Variants in NR3C2 observed in about 807,000 individuals in gnomAD.
NR3C2 encodes the protein nuclear receptor subfamily 3 group C member 2, also known as mineralocorticoid receptor.
NR3C2 carries 15 observed loss-of-function variants against 86.4 expected under a neutral mutation model. The observed-to-expected ratio is 0.17, with a 90% CI of 0.12 to 0.27. The LOEUF is 0.27. Ranked by LOEUF, NR3C2 falls within the 10% of genes least tolerant of loss-of-function variation. The pLI is 1.00. For synonymous variants in NR3C2, 458 were observed against 450.5 expected (o/e 1.02, Z -0.21); for missense variants, 960 against 1,195.6 (o/e 0.80, Z 2.91).
chr4:148,135,195 CTTAA>C (rs1339727249), intron 6 of NR3C2, among the ~76,000 whole-genome samples: 1 of 152,152 alleles, frequency 6.6e-6, no homozygotes, highest in South Asian at 2.1e-4. Context: ...TATATTGTCA[CTTAA>C]TTGTCAATGT....
chr4:148,207,112 G>A (rs893509360), intron 3 of NR3C2, among the ~76,000 whole-genome samples: 14 of 151,970 alleles, frequency 9.2e-5, no homozygotes, highest in Non-Finnish European at 2.1e-4. Flanking sequence ...TAGTAGAGAC[G>A]TGATCTTGCT....
At chr4:148,281,741 T>C (rs1014100089) in intron 2 of NR3C2, among the ~76,000 whole-genome samples, 3 of 152,242 alleles carry the variant, frequency 2.0e-5, no homozygotes, top group African/African-American at 4.8e-5. Context: ...TGTGTTATGT[T>C]ATGTCAACAA....
intron 2 of NR3C2, among the ~76,000 whole-genome samples, chr4:148,327,257 G>T (rs1287607661): frequency 6.6e-6 from 1 of 152,156 alleles, no homozygotes; most frequent in East Asian, 1.9e-4. Context: ...TGGAAAAAAA[G>T]AAACCTATAT....
intron 3 of NR3C2, among the ~76,000 whole-genome samples, chr4:148,223,167 C>A (rs1737951751): frequency 6.6e-6 from 1 of 152,150 alleles, no homozygotes; most frequent in East Asian, 1.9e-4. Context: ...CCTACACTGA[C>A]ACTCCCCTTC....
intron 2 of NR3C2, among the ~76,000 whole-genome samples, chr4:148,369,874 T>C (rs1180190349): frequency 6.6e-6 from 1 of 152,228 alleles, no homozygotes; most frequent in African/African-American, 2.4e-5. Context: ...AGGGGAGCCA[T>C]GCTGGCTGTC....
chr4:148,158,681 A>G (rs182473601), intron 4 of NR3C2, among the ~76,000 whole-genome samples: 15 of 152,332 alleles, frequency 9.8e-5, no homozygotes, highest in Admixed American at 9.8e-4. Flanking sequence ...CAAACTAATG[A>G]TAAAATTCAT....
At chr4:148,097,741 GT>G (rs1180902227) in intron 8 of NR3C2, among the ~76,000 whole-genome samples, 19 of 107,486 alleles carry the variant, frequency 1.8e-4, no homozygotes, top group Non-Finnish European at 2.7e-4. Context: ...ACTTTTTTGC[GT>G]TTTTTTTTGT....
intron 2 of NR3C2, among the ~76,000 whole-genome samples, chr4:148,425,781 A>G (rs537427213): frequency 2.6e-5 from 4 of 152,200 alleles, no homozygotes; most frequent in African/African-American, 4.8e-5. Context: ...TATTTAGGAT[A>G]GTCTGCTTTC....
rs184360040 is a variant in NR3C2, at chr4:148,086,368, T to C, written c.2800-4869A>G. ...TAATCCATTACATAAACAGAACCAA[T>C]GACAAAAACCACATGGTTATCTCAA... On this transcript the variant is annotated intron_variant, in intron 8 of 8. Coordinates refer to ENST00000358102, the MANE Select transcript of NR3C2 (RefSeq NM_000901.5). 3.6e-3 allele frequency among the ~76,000 whole-genome samples: 553 copies of C among 152,228 alleles called. 1 individual carries two copies. The highest frequency in any genetic ancestry group is 6.2e-3 in the Non-Finnish European group (423 of 68,018).
intron 6 of NR3C2, among the ~76,000 whole-genome samples, chr4:148,147,602 C>T (rs976469686): frequency 5.3e-5 from 8 of 152,144 alleles, no homozygotes; most frequent in African/African-American, 9.7e-5. Context: ...CAGAGATACA[C>T]GTACTTAAGA....
chr4:148,248,984 G>A (rs533878388), intron 3 of NR3C2, among the ~76,000 whole-genome samples: 11 of 152,266 alleles, frequency 7.2e-5, no homozygotes, highest in African/African-American at 2.6e-4. Flanking sequence ...TTTGTTTACA[G>A]ACAAGGAAAC....
At position 148,435,219 on chromosome 4, in the gene NR3C2, T is replaced by A; in HGVS notation, c.1642A>T (p.Ser548Cys). 6.2e-7 allele frequency: 1 copy of A among 1,614,208 alleles called. No individual in the cohort carries two copies. Among genetic ancestry groups the A allele is most frequent in the South Asian group, 1.1e-5 (1 of 91,088 alleles). Residue 548 changes from serine to cysteine, a missense_variant, in exon 2 of 9, where the codon AGT becomes TGT. Coordinates refer to ENST00000358102, the MANE Select transcript of NR3C2 (RefSeq NM_000901.5). ...AAAGTATTGACAGGAGGAAAGGAACTCAGGTGTTGGAAAGATTGGTCTCTA... is the reference window on the plus strand; with the variant it reads ...AAAGTATTGACAGGAGGAAAGGAACACAGGTGTTGGAAAGATTGGTCTCTA... ...SARDQSFQHLSSFPPVNTLVE... is the reference protein window; with the variant it reads ...SARDQSFQHLCSFPPVNTLVE...
At chr4:148,221,475 T>A (rs1737840911) in intron 3 of NR3C2, among the ~76,000 whole-genome samples, 1 of 152,176 alleles carries the variant, frequency 6.6e-6, no homozygotes, top group Non-Finnish European at 1.5e-5. Flanking sequence ...ATAAACCTCT[T>A]CAAAAAATTG....
intron 2 of NR3C2, among the ~76,000 whole-genome samples, chr4:148,279,326 C>T (rs1741120723): frequency 6.6e-6 from 1 of 152,112 alleles, no homozygotes; most frequent in African/African-American, 2.4e-5. Context: ...TATCTGAAGA[C>T]AAAATAATGA....
chr4:148,417,972 G>A (rs1198463051), intron 2 of NR3C2, among the ~76,000 whole-genome samples: 1 of 152,114 alleles, frequency 6.6e-6, no homozygotes, highest in Admixed American at 6.5e-5. Context: ...TAAAGCACAG[G>A]TCCCTATAAT....
chr4:148,368,599 T>C (rs1039415205), intron 2 of NR3C2: 2 of 152,296 alleles, frequency 1.3e-5, no homozygotes, highest in Admixed American at 1.3e-4. Flanking sequence ...AGCTATTGCA[T>C]GCACAATAGG....
At chr4:148,341,989 C>T (rs1027869749) in intron 2 of NR3C2, among the ~76,000 whole-genome samples, 16 of 152,136 alleles carry the variant, frequency 1.1e-4, no homozygotes, top group Admixed American at 4.6e-4. Flanking sequence ...ACGGTCACAA[C>T]TTCACACACT....
intron 2 of NR3C2, among the ~76,000 whole-genome samples, chr4:148,410,847 AC>A (rs1748665022): frequency 1.3e-5 from 2 of 152,282 alleles, no homozygotes; most frequent in South Asian, 4.1e-4. Context: ...AGAGTATCAC[AC>A]ATCATTTGGC....
chr4:148,301,908 A>G (rs1046457139), intron 2 of NR3C2, among the ~76,000 whole-genome samples: 2 of 152,176 alleles, frequency 1.3e-5, no homozygotes, highest in African/African-American at 4.8e-5. Context: ...TTCAGGTTAT[A>G]TTTTCAAGAA....
Sources: allele counts gnomAD v4.1 joint callset (sites outside exome capture counted in the v4.1 genomes callset), GRCh38; gene constraint gnomAD v4.1.1; transcripts MANE v1.5; gene names NCBI Gene and HGNC (gene_info 2026-07-23, HGNC 2026-07-21).